Variants in TCFL5 observed in about 807,000 individuals in gnomAD.
The protein encoded by TCFL5 is transcription factor like 5.
TCFL5 carries 9 observed loss-of-function variants against 44.3 expected under a neutral mutation model. That is an observed-to-expected ratio of 0.20 (90% CI 0.12 to 0.35). TCFL5 has a LOEUF of 0.35. Ranked by LOEUF, TCFL5 falls within the 10% of genes least tolerant of loss-of-function variation. TCFL5 has a pLI of 1.00. For missense variants in TCFL5, 603 were observed against 613.4 expected, an observed-to-expected ratio of 0.98 and a Z score of 0.18; for synonymous variants, 319 against 271.6, an observed-to-expected ratio of 1.17 and a Z score of -1.72.
In TCFL5 at chr20:62,861,540, A is replaced by C; in HGVS notation, c.131T>G (p.Leu44Arg). 4 of 1,156,158 alleles carry C rather than the reference A, an allele frequency of 3.5e-6. No homozygotes were observed. Among genetic ancestry groups the C allele is most frequent in the Non-Finnish European group, 2.2e-6 (2 of 925,024 alleles). 71.6% of individuals were successfully genotyped at this position (1,156,158 alleles called of 1,614,324 possible). A position where few individuals can be genotyped will look rare whatever the true frequency, so the allele number is the denominator to read the frequency against. Residue 44 changes from leucine (L) to arginine (R), a missense_variant, in exon 1 of 6, where the codon CTG becomes CGG. This residue lies in a region of TCFL5 where 540 missense variants were observed against 478.7 expected (regional missense o/e 1.13). Transcript: ENST00000335351. This position sits in a 1 kb window ranked among gnomAD's most constrained non-coding sequence, Gnocchi z 4.0. ...EPGLSFTTTD[L>R]SLVEMTEVEY... The stretch of plus-strand genomic sequence containing the variant: ...CACCTCCGTCATCTCCACCAGGCTC[A>C]GGTCGGTGGTCGTGAAGCTCAGCCC...
At chr20:62,857,221 C>T (rs113866200) in intron 4 of TCFL5, among the ~76,000 whole-genome samples, 174 bp downstream of exon 4, 1,774 of 152,260 alleles carry the variant, frequency 0.012, 19 homozygotes, top group Non-Finnish European at 0.019. Flanking sequence ...AGTGAGCCAG[C>T]GAGCCTGGGC....
At chr20:62,849,182 G>C (rs978378442) in intron 5 of TCFL5, among the ~76,000 whole-genome samples, 11 of 151,464 alleles carry the variant, frequency 7.3e-5, no homozygotes, top group African/African-American at 2.7e-4. Flanking sequence ...AAACACGGAA[G>C]TATTTAAGTA....
intron 5 of TCFL5, among the ~76,000 whole-genome samples, chr20:62,849,946 C>T (rs896030586): frequency 2.0e-5 from 3 of 151,762 alleles, no homozygotes; most frequent in Non-Finnish European, 4.4e-5. Flanking sequence ...CAGCAAGACC[C>T]TGTCTCAAAA....
intron 5 of TCFL5, among the ~76,000 whole-genome samples, chr20:62,849,930 G>C (rs1390833955): frequency 6.6e-6 from 1 of 152,002 alleles, no homozygotes; most frequent in East Asian, 1.9e-4. Flanking sequence ...ACTCCAGCCT[G>C]GGAGACAGCA....
In TCFL5 at chr20:62,857,432, G is replaced by A. The variant is rs777452285; in HGVS notation, c.1201C>T (p.Arg401Cys). The A allele has an allele frequency of 1.9e-6, 3 of 1,614,018 alleles. No individual in the cohort carries two copies. Among genetic ancestry groups the A allele is most frequent in the African/African-American group, 1.3e-5 (1 of 74,928 alleles). The change falls in exon 4 of 6, where the codon CGT (arginine) becomes TGT (cysteine). Residue 401 changes from arginine to cysteine, a missense_variant. Arg to Cys is a radical substitution (Grantham distance 180). Around this residue, in one of 4 missense-constraint regions of TCFL5, gnomAD observed 21 missense variants for 54.0 expected, o/e 0.39. Coordinates refer to ENST00000335351, the MANE Select transcript of TCFL5 (RefSeq NM_006602.4). ...TCCATTCGGTTATGCCTCTCCCTACGTTGAGACCTTCCTCCCTGGGGCCCA... is the reference window on the plus strand; with the variant it reads ...TCCATTCGGTTATGCCTCTCCCTACATTGAGACCTTCCTCCCTGGGGCCCA... ...QSGPQGGRSQ[R>C]RERHNRMERD...
rs1471455574 is a variant in TCFL5 at position 62,857,947 on chromosome 20, T to C, written c.995-309A>G. Among the ~76,000 whole-genome samples the C allele has an allele frequency of 2.0e-5, 3 of 150,170 alleles. No homozygotes were observed. In the Admixed American group the frequency reaches 2.0e-4, roughly 10 times the overall value. On this transcript the variant is annotated intron_variant, in intron 3 of 5. Coordinates refer to ENST00000335351, the MANE Select transcript of TCFL5 (RefSeq NM_006602.4). ...TTAATTAACAGGTGTTATCTATGAA[T>C]ACAGAAAACAAGAAGTTGTTTACTT...
intron 5 of TCFL5, chr20:62,852,104 C>A (rs2063817691): frequency 2.0e-6 from 2 of 985,454 alleles, no homozygotes; most frequent in Non-Finnish European, 2.4e-6. Flanking sequence ...TGCGCCAGGC[C>A]TGGGAGCCCT....
rs1425692782 is a variant in TCFL5 at position 62,841,457 on chromosome 20, T to A, written c.*518A>T. 1 of 154,772 alleles carries A rather than the reference T, an allele frequency of 6.5e-6. No individual in the cohort carries two copies. The highest frequency in any genetic ancestry group is 1.4e-5 in the Non-Finnish European group (1 of 69,744). 9.6% of individuals were successfully genotyped at this position (154,772 alleles called of 1,614,324 possible). On this transcript the variant is annotated 3_prime_UTR_variant, in exon 6 of 6. Transcript: ENST00000335351. ...TTTTTAGCACACAGGTTTAAAATGG[T>A]CCTGCACGTTGCAATACAGCAGCAC...
chr20:62,851,459 AATAG>A, intron 5 of TCFL5: 1 of 880,860 alleles, frequency 1.1e-6, no homozygotes, highest in Non-Finnish European at 1.4e-6. Flanking sequence ...ATGATTTACT[AATAG>A]ATACACAAAG....
chr20:62,851,694 T>C, intron 5 of TCFL5: 2 of 985,304 alleles, frequency 2.0e-6, no homozygotes, highest in East Asian at 1.1e-4. Context: ...AAATGTCATG[T>C]GGACACAGAA....
chr20:62,859,125 A>G (rs554243078), intron 3 of TCFL5, among the ~76,000 whole-genome samples: 17 of 152,370 alleles, frequency 1.1e-4, no homozygotes, highest in African/African-American at 3.8e-4. Context: ...ACTGTTAAGA[A>G]AAAGCCCTCA....
chr20:62,856,705 CA>C (rs11470406), intron 4 of TCFL5, among the ~76,000 whole-genome samples: 14,164 of 99,814 alleles, frequency 0.14, 698 homozygotes, highest in Non-Finnish European at 0.19. Flanking sequence ...GACTCCGTCT[CA>C]AAAAAAAAAA....
In TCFL5 at chr20:62,859,431, T is replaced by C. The variant is rs1275963070; in HGVS notation, c.927A>G (p.Glu309=). The change falls in exon 3 of 6, where the codon GAA becomes GAG. Residue 309 remains glutamate, a synonymous_variant. Coordinates refer to ENST00000335351, the MANE Select transcript of TCFL5 (RefSeq NM_006602.4). ...AFSFCYQQEI[E]STKQTLGSRN... ...TACTACCTAACGTCTGTTTAGTGGA[T>C]TCAATTTCTTGCTGATAACAGAAAG... is the stretch of plus-strand genomic sequence containing the variant. 3.7e-6 allele frequency: 6 copies of C among 1,614,016 alleles called. No homozygotes were observed. The highest frequency in any genetic ancestry group is 3.3e-5 in the Admixed American group (2 of 59,988).
chr20:62,851,473 G>T, intron 5 of TCFL5: 1 of 955,766 alleles, frequency 1.0e-6, no homozygotes, highest in Non-Finnish European at 1.2e-6. Flanking sequence ...GATACACAAA[G>T]CCAAAACATT....
rs372562255 is a variant in TCFL5, at chr20:62,842,012, C to T, written c.1466G>A (p.Gly489Glu). ...CATCGAGGGGCTGCTCTGTAAACTC[C>T]CCTGTGCAGGACAGGTCACCAAGGA... Reference protein sequence around the residue: ...PDSLVTCPAQGSLQSSPSMEI... With the variant: ...PDSLVTCPAQESLQSSPSMEI... The change falls in exon 6 of 6, where the codon GGG becomes GAG. Residue 489 changes from glycine (G) to glutamate (E), a missense_variant. By Grantham distance (98) the Gly-to-Glu change is moderately conservative (BLOSUM62 -2). Transcript: ENST00000335351. The surrounding 1 kb of genome is among the most constrained non-coding windows in gnomAD (Gnocchi z 4.3). 80 of 1,614,200 alleles carry T rather than the reference C, an allele frequency of 5.0e-5. No homozygotes were observed. The African/African-American group carries it at 1.0e-3, about 20-fold the overall frequency.
Position 62,841,708 on chromosome 20 carries a change from GCTTA to G in TCFL5, c.*263_*266del, listed in dbSNP as rs1053898124. ...GATGGAATCAGAGCATTGAGAAAATGCTTACTAATTATTACTAATTAATTATTAC... is the reference window on the plus strand; with the variant it reads ...GATGGAATCAGAGCATTGAGAAAATGCTAATTATTACTAATTAATTATTAC... On this transcript the variant is annotated 3_prime_UTR_variant, in exon 6 of 6. Transcript: ENST00000335351. The G allele has an allele frequency of 5.4e-5, 14 of 260,376 alleles. No individual in the cohort carries two copies. The highest frequency in any genetic ancestry group is 1.0e-4 in the Admixed American group (2 of 19,900). The allele number at this position is 260,376 out of a possible 1,614,324, so 16.1% of individuals were successfully genotyped here. A position where few individuals can be genotyped will look rare whatever the true frequency, so the allele number is the denominator to read the frequency against.
At chr20:62,844,337 G>A (rs78544292) in intron 5 of TCFL5, among the ~76,000 whole-genome samples, 1,544 of 152,264 alleles carry the variant, frequency 0.01, 27 homozygotes, top group African/African-American at 0.034. Context: ...ACGGCTTGGC[G>A]CATCTTTCAT....
At position 62,846,094 on chromosome 20, in the gene TCFL5, G is replaced by GT. The variant is rs758203396; in HGVS notation, c.1381-3998dup. The GT allele has an allele frequency of 3.0e-5, 40 of 1,315,240 alleles. No individual in the cohort carries two copies. In the African/African-American group the frequency reaches 5.4e-4, roughly 18 times the overall value. 81.5% of individuals were successfully genotyped at this position (1,315,240 alleles called of 1,614,324 possible). ...TCAGGAAGCAAGTCCATAACATGACGTATCTGGAGTTTGTGCTTAGAACCT... is the reference window on the plus strand; with the variant it reads ...TCAGGAAGCAAGTCCATAACATGACGTTATCTGGAGTTTGTGCTTAGAACCT... On this transcript the variant is annotated intron_variant, in intron 5 of 5. Coordinates refer to ENST00000335351, the MANE Select transcript of TCFL5 (RefSeq NM_006602.4).
In TCFL5 at chr20:62,841,268, T is replaced by C. The variant is rs6011416; in HGVS notation, c.*707A>G. On this transcript the variant is annotated 3_prime_UTR_variant, in exon 6 of 6. Transcript: ENST00000335351. ...CGTCTATTGCTATTACCTGTTGTGA[T>C]TGATAAGTAAAGCCACTCATTGAAA... 2,157 of 81,884 alleles carry C rather than the reference T, an allele frequency of 0.026. 64 individuals carry two copies. Among genetic ancestry groups the C allele is most frequent in the African/African-American group, 0.11 (2,032 of 19,142 alleles). The allele number at this position is 81,884 out of a possible 1,614,324, so 5.1% of individuals were successfully genotyped here.
Sources: allele counts gnomAD v4.1 joint callset (sites outside exome capture counted in the v4.1 genomes callset), GRCh38; gene constraint gnomAD v4.1.1; regional missense constraint gnomAD v4.1.1; non-coding constraint Gnocchi (gnomAD v3.1); transcripts MANE v1.5; gene names NCBI Gene and HGNC (gene_info 2026-07-23, HGNC 2026-07-21).